PLEKHA2: variants seen among roughly 807,000 people sequenced by gnomAD.
PLEKHA2 encodes pleckstrin homology domain-containing family A member 2.
Under a neutral mutation model 53.2 loss-of-function variants are expected in PLEKHA2, and 28 were observed. The observed-to-expected ratio is 0.53, with a 90% confidence interval of 0.39 to 0.72. The LOEUF (loss-of-function observed/expected upper bound fraction) is 0.72, where lower values mean the gene tolerates loss of function less well. Ranked by LOEUF, PLEKHA2 falls within the 30% of genes least tolerant of loss-of-function variation. The pLI is 0.00. For missense variants in PLEKHA2, 426 were observed against 537.9 expected, an observed-to-expected ratio of 0.79 and a Z score of 2.06; for synonymous variants, 193 against 196.4, an observed-to-expected ratio of 0.98 and a Z score of 0.14.
intron 2 of PLEKHA2, among the ~76,000 whole-genome samples, chr8:38,927,982 G>A (rs1033232067): frequency 6.6e-5 from 10 of 151,948 alleles, no homozygotes; most frequent in Admixed American, 6.6e-4. Flanking sequence ...CATGAGGGAA[G>A]AATGTTTGAA....
chr8:38,920,429 C>A (rs1368931976), intron 2 of PLEKHA2, among the ~76,000 whole-genome samples: 2 of 152,158 alleles, frequency 1.3e-5, no homozygotes, highest in African/African-American at 4.8e-5. Context: ...GCTGGGATTA[C>A]AGGCATGAGC....
At chr8:38,913,088 G>C (rs557763082) in intron 1 of PLEKHA2, among the ~76,000 whole-genome samples, 10 of 152,290 alleles carry the variant, frequency 6.6e-5, no homozygotes, top group Admixed American at 2.0e-4. Flanking sequence ...GCATGACCAG[G>C]CATGGTGGCT....
At chr8:38,941,670 T>G (rs1834615556) in intron 3 of PLEKHA2, among the ~76,000 whole-genome samples, 1 of 152,146 alleles carries the variant, frequency 6.6e-6, no homozygotes, top group Non-Finnish European at 1.5e-5. Flanking sequence ...TTAAAGGAAA[T>G]GAGGTATCAA....
intron 10 of PLEKHA2, among the ~76,000 whole-genome samples, chr8:38,958,341 A>G (rs1834979555): frequency 6.6e-6 from 1 of 152,200 alleles, no homozygotes; most frequent in South Asian, 2.1e-4. Flanking sequence ...GGGAAACAAA[A>G]AGAACAGAAA....
intron 6 of PLEKHA2, 76 bp downstream of exon 6, chr8:38,951,066 G>A: frequency 1.0e-6 from 1 of 1,000,040 alleles, no homozygotes; most frequent in East Asian, 5.6e-5. Context: ...TGTGCTCGGA[G>A]CACTGTACTG....
intron 2 of PLEKHA2, among the ~76,000 whole-genome samples, chr8:38,919,650 G>T (rs1488224280): frequency 6.6e-6 from 1 of 152,206 alleles, no homozygotes; most frequent in African/African-American, 2.4e-5. Flanking sequence ...ATCATCTAGT[G>T]ATCTTGGGCA....
intron 9 of PLEKHA2, among the ~76,000 whole-genome samples, chr8:38,956,597 C>T (rs1834944816): frequency 6.6e-6 from 1 of 152,092 alleles, no homozygotes; most frequent in South Asian, 2.1e-4. Flanking sequence ...CTCAGGAGTT[C>T]AAGACCAGCC....
At chr8:38,930,337 G>A (rs1834368962) in intron 2 of PLEKHA2, among the ~76,000 whole-genome samples, 1 of 152,146 alleles carries the variant, frequency 6.6e-6, no homozygotes, top group African/African-American at 2.4e-5. Context: ...AAGTAGCTGG[G>A]ATTACAGGCG....
At chr8:38,931,137 G>T (rs916546883) in intron 2 of PLEKHA2, among the ~76,000 whole-genome samples, 1 of 152,132 alleles carries the variant, frequency 6.6e-6, no homozygotes, top group Non-Finnish European at 1.5e-5. Flanking sequence ...AATTAGCCGG[G>T]TGTGGTGGTG....
At chr8:38,955,052 A>C (rs1486579081) in intron 9 of PLEKHA2, among the ~76,000 whole-genome samples, 3 of 152,034 alleles carry the variant, frequency 2.0e-5, no homozygotes, top group Admixed American at 1.3e-4. Context: ...TAAATAAATA[A>C]ATTTTTACAT....
intron 4 of PLEKHA2, among the ~76,000 whole-genome samples, chr8:38,944,855 C>T (rs976951191): frequency 6.6e-6 from 1 of 152,216 alleles, no homozygotes; most frequent in African/African-American, 2.4e-5. Context: ...ATATGCATTT[C>T]AGTTTTCTTG....
intron 1 of PLEKHA2, among the ~76,000 whole-genome samples, chr8:38,906,041 G>T (rs993702821): frequency 1.8e-4 from 27 of 152,228 alleles, no homozygotes; most frequent in Admixed American, 6.5e-5. Context: ...GTACCCTTTG[G>T]TTGACATCGT....
rs1835243813 is a variant in PLEKHA2, at chr8:38,971,298, C to G, written c.*1515C>G. Reference sequence around the variant, plus strand: ...ATCTACATTGTTCCCTCTTTCTCTCCCTTCCATCCCTTCCCCTGCCTTTCC... The same window carrying G: ...ATCTACATTGTTCCCTCTTTCTCTCGCTTCCATCCCTTCCCCTGCCTTTCC... On this transcript the variant is annotated 3_prime_UTR_variant, in exon 12 of 12. Transcript: ENST00000617275. 1 of 153,922 alleles carries G rather than the reference C, an allele frequency of 6.5e-6. No homozygotes were observed. The highest frequency in any genetic ancestry group is 2.4e-5 in the African/African-American group (1 of 41,486). The allele number at this position is 153,922 out of a possible 1,614,324, so 9.5% of individuals were successfully genotyped here.
rs758216441 is a variant in PLEKHA2, at chr8:38,969,531, A to G, written c.1026A>G (p.Lys342=). ...GGCGGCCACCTTTGGAGGAAAAGAA[A>G]GCCCTCTGCAAAGCCCCCTCTGTGG... is the stretch of plus-strand genomic sequence containing the variant. ...CRGRPPLEEK[K]ALCKAPSVAS... The change falls in exon 12 of 12, where the codon AAA becomes AAG. Residue 342 remains lysine (K), a synonymous_variant. Transcript: ENST00000617275. The G allele has an allele frequency of 7.4e-6, 12 of 1,613,080 alleles. No individual in the cohort carries two copies. The Admixed American group carries it at 1.7e-4, about 22-fold the overall frequency.
chr8:38,905,228 G>C (rs150666487), intron 1 of PLEKHA2, among the ~76,000 whole-genome samples: 6 of 152,158 alleles, frequency 3.9e-5, no homozygotes, highest in African/African-American at 1.4e-4. Context: ...AGGCTGAGGT[G>C]GGGGGGATCA....
chr8:38,968,354 A>C (rs1351200720), intron 10 of PLEKHA2, among the ~76,000 whole-genome samples: 1 of 152,172 alleles, frequency 6.6e-6, no homozygotes, highest in Non-Finnish European at 1.5e-5. Flanking sequence ...CCTTCCTCAC[A>C]GCCTGTGCCT....
chr8:38,952,265 G>T lies in PLEKHA2; in HGVS notation c.586G>T (p.Gly196Trp). The change falls in exon 7 of 12, where the codon GGG becomes TGG. Residue 196 changes from glycine (G) to tryptophan (W), a missense_variant. Transcript: ENST00000617275. ...IPTSGCRAST[G>W]PPLIKSGYCV... ...CACGTCAGGCTGCCGTGCTTCCACT[G>T]GGCCTCCCCTCATTAAGAGTGGTTA... 1 of 1,612,774 alleles carries T rather than the reference G, an allele frequency of 6.2e-7. No individual in the cohort carries two copies. Among genetic ancestry groups the T allele is most frequent in the Middle Eastern group, 1.7e-4 (1 of 6,060 alleles).
chr8:38,946,340 G>C (rs888825654), intron 5 of PLEKHA2, 119 bp downstream of exon 5: 7 of 801,640 alleles, frequency 8.7e-6, no homozygotes, highest in Non-Finnish European at 1.2e-5. Context: ...AGCCTGGTCT[G>C]TACCCAGTTC....
At chr8:38,956,826 T>A (rs978078566) in intron 9 of PLEKHA2, among the ~76,000 whole-genome samples, 3 of 152,184 alleles carry the variant, frequency 2.0e-5, no homozygotes, top group Non-Finnish European at 4.4e-5. Context: ...TCATTTAAGC[T>A]CTGACCCTGA....
Sources: gnomAD v4.1 joint callset for allele counts (sites outside exome capture counted in the v4.1 genomes callset) on GRCh38, gnomAD v4.1.1 for gene constraint, MANE v1.5 for transcripts, NCBI Gene and HGNC (gene_info 2026-07-23, HGNC 2026-07-21) for gene names.